FGD2: variants seen among roughly 807,000 people sequenced by gnomAD.
FGD2 encodes FYVE, RhoGEF and PH domain-containing protein 2.
In FGD2, 52 loss-of-function variants were observed where a neutral mutation model predicts 75.9. That is an observed-to-expected ratio of 0.69 (90% CI 0.55 to 0.86). The LOEUF (loss-of-function observed/expected upper bound fraction) is 0.86. Ranked by LOEUF, FGD2 falls within the 40% of genes least tolerant of loss-of-function variation. FGD2 has a pLI of 0.00. For missense variants in FGD2, 790 were observed against 872.0 expected (o/e 0.91, Z 1.18); for synonymous variants, 347 against 348.6 (o/e 1.00, Z 0.05).
rs831502 is a variant in FGD2, at chr6:37,021,615, G to C, written c.1326+11G>C. ...ATCCAGGAGCAGGAGGTAAATGAAG[G>C]CTTTTTCATCCCTTGCTGGAGCCAC... is the stretch of plus-strand genomic sequence containing the variant. On this transcript the variant is annotated intron_variant, in intron 12 of 15. Coordinates refer to ENST00000274963, the MANE Select transcript of FGD2 (RefSeq NM_173558.4). The C allele has an allele frequency of 0.59, 955,273 of 1,609,240 alleles. 291,669 individuals are homozygous for C. The highest frequency in any genetic ancestry group is 0.89 in the East Asian group (40,092 of 44,802).
intron 14 of FGD2, 53 bp downstream of exon 14, chr6:37,025,991 T>A (rs1209019771): frequency 1.1e-5 from 17 of 1,600,540 alleles, no homozygotes; most frequent in Non-Finnish European, 1.3e-5. Context: ...AGGGAATGTG[T>A]GCCCGGCAAC....
chr6:37,027,477 C>G lies in FGD2; in HGVS notation c.1654C>G (p.Gln552Glu), dbSNP rs753432865. ...CCAGAGCCTGATGTGCAGCTTCCTG[C>G]AGCTCATCGGGGACAAGTGGGGCAA... ...PDQSLMCSFL[Q>E]LIGDKWGKSG... The change falls in exon 15 of 16, where the codon CAG becomes GAG. Residue 552 changes from glutamine to glutamate, a missense_variant. By Grantham distance (29) the Gln-to-Glu change is conservative. Transcript: ENST00000274963. 1 of 1,613,864 alleles carries G rather than the reference C, an allele frequency of 6.2e-7. No homozygotes were observed. The highest frequency in any genetic ancestry group is 8.5e-7 in the Non-Finnish European group (1 of 1,179,906).
chr6:37,015,579 G>A (rs1202489998), intron 8 of FGD2, among the ~76,000 whole-genome samples, 189 bp from the exon 9 acceptor site: 1 of 152,208 alleles, frequency 6.6e-6, no homozygotes, highest in Non-Finnish European at 1.5e-5. Context: ...GGAATTGGGA[G>A]CTTGACAGCC....
At chr6:37,021,672 C>T (rs1765598823) in intron 12 of FGD2, 68 bp downstream of exon 12, 2 of 1,361,014 alleles carry the variant, frequency 1.5e-6, no homozygotes, top group Non-Finnish European at 2.1e-6. Context: ...CCTCTCTGTT[C>T]TGCCTATACC....
intron 3 of FGD2, 176 bp downstream of exon 3, chr6:37,011,226 G>A: frequency 1.6e-6 from 1 of 643,244 alleles, no homozygotes; most frequent in East Asian, 2.7e-5. Context: ...AGGAGGTCTT[G>A]TTAGCAGTAC....
Position 37,028,771 on chromosome 6 carries a change from G to A in FGD2, c.*608G>A, listed in dbSNP as rs1334248616. ...TTATAGGTGTGTGCCACTGTGCCAA[G>A]CTAATTTTTTTATTTTTTGTAGAGA... On this transcript the variant is annotated 3_prime_UTR_variant, in exon 16 of 16. Coordinates refer to ENST00000274963, the MANE Select transcript of FGD2 (RefSeq NM_173558.4). 1 of 151,810 alleles carries A rather than the reference G, an allele frequency of 6.6e-6. No homozygotes were observed. Among genetic ancestry groups the A allele is most frequent in the Non-Finnish European group, 1.5e-5 (1 of 67,982 alleles). The allele number at this position is 151,810 out of a possible 1,614,324, so 9.4% of individuals were successfully genotyped here.
chr6:37,011,591 G>A (rs916036945), intron 3 of FGD2, 115 bp from the exon 4 acceptor site: 33 of 1,405,492 alleles, frequency 2.3e-5, no homozygotes, highest in Middle Eastern at 2.4e-4. Flanking sequence ...TGAGGATGCC[G>A]GGAGATCAGG....
intron 9 of FGD2, among the ~76,000 whole-genome samples, chr6:37,017,259 T>C (rs925888343): frequency 6.6e-6 from 1 of 152,194 alleles, no homozygotes; most frequent in African/African-American, 2.4e-5. Context: ...TTAGATTGTT[T>C]TCAGTTGTCA....
In FGD2 at chr6:37,015,140, G is replaced by C. The variant is rs117225884; in HGVS notation, c.1029+102G>C. The C allele has an allele frequency of 8.3e-4, 1,191 of 1,438,854 alleles. 19 individuals carry two copies. In the East Asian group the frequency reaches 0.025, roughly 30 times the overall value. 89.1% of individuals were successfully genotyped at this position (1,438,854 alleles called of 1,614,324 possible). A position where few individuals can be genotyped will look rare whatever the true frequency, so the allele number is the denominator to read the frequency against. ...TGGCCTCTACCTGGCACTGCAGGGGGACAGGGAAGAGAACGCTTCTCTGTC... is the reference window on the plus strand; with the variant it reads ...TGGCCTCTACCTGGCACTGCAGGGGCACAGGGAAGAGAACGCTTCTCTGTC... On this transcript the variant is annotated intron_variant, in intron 8 of 15. Transcript: ENST00000274963.
chr6:37,025,568 C>T (rs759095308), intron 13 of FGD2: 84 of 576,358 alleles, frequency 1.5e-4, no homozygotes, highest in Non-Finnish European at 2.5e-4. Context: ...AACCCTCAGC[C>T]TAAGAGCCCC....
intron 13 of FGD2, chr6:37,023,322 A>G (rs1446293809): frequency 6.5e-6 from 1 of 154,438 alleles, no homozygotes; most frequent in Admixed American, 6.5e-5. Context: ...ACCAAAAAAC[A>G]TTCTTTCCCT....
At chr6:37,009,662 GA>G (rs1335696450) in intron 2 of FGD2, 1 of 152,280 alleles carries the variant, frequency 6.6e-6, no homozygotes, top group Non-Finnish European at 1.5e-5. Flanking sequence ...GTAAAATGGG[GA>G]TAGTGGTTAT....
At chr6:37,026,726 G>A (rs573512215) in intron 14 of FGD2, among the ~76,000 whole-genome samples, 6 of 152,228 alleles carry the variant, frequency 3.9e-5, no homozygotes, top group Non-Finnish European at 5.9e-5. Context: ...TTGGCCAGGC[G>A]GGAAGGCTCA....
At chr6:37,023,379 C>T (rs1033983188) in intron 13 of FGD2, 1 of 153,534 alleles carries the variant, frequency 6.5e-6, no homozygotes, top group Non-Finnish European at 1.5e-5. Context: ...TCAGGCAGGG[C>T]ATCCAGTGCG....
chr6:37,025,836 C>T lies in FGD2; in HGVS notation c.1503C>T (p.Tyr501=), dbSNP rs374359730. The change falls in exon 14 of 16, where the codon TAC becomes TAT. Residue 501 remains tyrosine (Y), a synonymous_variant. Transcript: ENST00000274963. ...CCGACTACCGGGCCGAACTGAAATA[C>T]GACGACAACAGGCCCAACCGAGTCT... ...RCSDYRAELK[Y]DDNRPNRVCL... 1.8e-5 allele frequency: 29 copies of T among 1,614,028 alleles called. No individual in the cohort carries two copies. The highest frequency in any genetic ancestry group is 2.3e-5 in the Non-Finnish European group (27 of 1,180,014).
At chr6:37,014,179 T>C in intron 6 of FGD2, 79 bp downstream of exon 6, 7 of 1,511,780 alleles carry the variant, frequency 4.6e-6, no homozygotes, top group South Asian at 1.3e-5. Context: ...CCTGCTAAAA[T>C]GGTTTTGACG....
At chr6:37,016,449 G>A (rs1488496387) in intron 9 of FGD2, among the ~76,000 whole-genome samples, 2 of 152,068 alleles carry the variant, frequency 1.3e-5, no homozygotes, top group Non-Finnish European at 2.9e-5. Context: ...AATGAGCAGG[G>A]CCAGTAGTCC....
chr6:37,005,733 C>A lies in FGD2; in HGVS notation c.-85C>A. On this transcript the variant is annotated 5_prime_UTR_variant, in exon 1 of 16. Coordinates refer to ENST00000274963, the MANE Select transcript of FGD2 (RefSeq NM_173558.4). ...TCATGGGTGATTTAGCCTATCTGTCCCAGGCCAGCGTGGCTGAGTGTGCTG... is the reference window on the plus strand; with the variant it reads ...TCATGGGTGATTTAGCCTATCTGTCACAGGCCAGCGTGGCTGAGTGTGCTG... 1 of 1,448,874 alleles carries A rather than the reference C, an allele frequency of 6.9e-7. No individual in the cohort carries two copies. Among genetic ancestry groups the A allele is most frequent in the Non-Finnish European group, 9.6e-7 (1 of 1,040,446 alleles). 89.8% of individuals were successfully genotyped at this position (1,448,874 alleles called of 1,614,324 possible). A position where few individuals can be genotyped will look rare whatever the true frequency, so the allele number is the denominator to read the frequency against.
Position 37,010,962 on chromosome 6 carries a change from ATCC to A in FGD2, c.301-7_301-5del. 6.2e-7 allele frequency: 1 copy of A among 1,613,686 alleles called. No homozygotes were observed. The highest frequency in any genetic ancestry group is 8.5e-7 in the Non-Finnish European group (1 of 1,179,692). ...CCTTTTTCTCCTTCTCTCCCCTCCA[ATCC>A]TCCGCAGGAGCCAGAGAAGAAGATC... On this transcript the variant is annotated splice_region_variant and splice_polypyrimidine_tract_variant and intron_variant, in intron 2 of 15. Coordinates refer to ENST00000274963, the MANE Select transcript of FGD2 (RefSeq NM_173558.4).
Sources: gnomAD v4.1 joint callset for allele counts (sites outside exome capture counted in the v4.1 genomes callset) on GRCh38, gnomAD v4.1.1 for gene constraint, MANE v1.5 for transcripts, NCBI Gene and HGNC (gene_info 2026-07-23, HGNC 2026-07-21) for gene names.